The following PCMTD1 variants were observed in gnomAD, a reference collection of about 807,000 sequenced individuals.
PCMTD1 encodes the protein protein-L-isoaspartate O-methyltransferase domain-containing protein 1.
Under a neutral mutation model 37.6 loss-of-function variants are expected in PCMTD1, and 12 were observed. The ratio of observed to expected loss-of-function variants is 0.32; its 90% confidence interval spans 0.20 to 0.52. PCMTD1 has a LOEUF of 0.52. Among genes scored for constraint, PCMTD1 ranks in the 20% least tolerant of loss-of-function variants. The pLI is 0.97. For synonymous variants in PCMTD1, 117 were observed against 135.8 expected, an observed-to-expected ratio of 0.86 and a Z score of 0.96; for missense variants, 235 against 421.3, an observed-to-expected ratio of 0.56 and a Z score of 3.87.
intron 5 of PCMTD1, among the ~76,000 whole-genome samples, chr8:51,826,546 A>G (rs745584386): frequency 6.6e-6 from 1 of 152,196 alleles, no homozygotes; most frequent in Non-Finnish European, 1.5e-5. Context: ...CTTTTACTCC[A>G]AAACTACAGT....
intron 1 of PCMTD1, among the ~76,000 whole-genome samples, chr8:51,891,686 A>C (rs1324379516): frequency 1.0e-5 from 1 of 98,696 alleles, no homozygotes. Context: ...ATATATATAT[A>C]CATATATATG....
At chr8:51,849,727 T>A (rs1159997123) in intron 2 of PCMTD1, 1 of 224,814 alleles carries the variant, frequency 4.4e-6, no homozygotes, top group Non-Finnish European at 8.8e-6. Context: ...CTAATCTAGT[T>A]CATTTATCAT....
chr8:51,832,107 T>G (rs2038006354), intron 4 of PCMTD1, among the ~76,000 whole-genome samples: 1 of 152,178 alleles, frequency 6.6e-6, no homozygotes. Flanking sequence ...AAATATTAGC[T>G]CAATACACAT....
intron 1 of PCMTD1, among the ~76,000 whole-genome samples, chr8:51,861,973 C>A (rs914975549): frequency 4.6e-5 from 7 of 152,170 alleles, no homozygotes; most frequent in Non-Finnish European, 7.3e-5. Context: ...CCGGGCCGCA[C>A]AAAGTGCTGG....
chr8:51,880,092 C>CA (rs2038770982), intron 1 of PCMTD1, among the ~76,000 whole-genome samples: 1 of 151,568 alleles, frequency 6.6e-6, no homozygotes, highest in Non-Finnish European at 1.5e-5. Context: ...CCCAGCTACT[C>CA]AGGAGGTTGA....
chr8:51,843,554 A>T (rs369538634), intron 3 of PCMTD1, among the ~76,000 whole-genome samples: 37 of 152,094 alleles, frequency 2.4e-4, no homozygotes, highest in African/African-American at 8.9e-4. Flanking sequence ...TGAAAATAAA[A>T]CTAAAGAAAC....
In PCMTD1 at chr8:51,899,007, A is replaced by C; in HGVS notation, c.-173T>G. The C allele has an allele frequency of 6.6e-7, 1 of 1,513,234 alleles. No individual in the cohort carries two copies. Among genetic ancestry groups the C allele is most frequent in the Non-Finnish European group, 8.8e-7 (1 of 1,137,846 alleles). 93.7% of individuals were successfully genotyped at this position (1,513,234 alleles called of 1,614,324 possible). A position where few individuals can be genotyped will look rare whatever the true frequency, so the allele number is the denominator to read the frequency against. On this transcript the variant is annotated 5_prime_UTR_variant, in exon 1 of 6. Coordinates refer to ENST00000522514, the MANE Select transcript of PCMTD1 (RefSeq NM_052937.4). ...GCAGCAGCCAGACGCCGCTACCACC[A>C]CAATAACAACACGGACGCCACCGCC...
chr8:51,894,073 A>G (rs2038969606), intron 1 of PCMTD1, among the ~76,000 whole-genome samples: 1 of 152,206 alleles, frequency 6.6e-6, no homozygotes, highest in Non-Finnish European at 1.5e-5. Context: ...AGATTTTACT[A>G]CTGTACTACA....
At chr8:51,855,106 G>A (rs1338684087) in intron 2 of PCMTD1, among the ~76,000 whole-genome samples, 1 of 150,640 alleles carries the variant, frequency 6.6e-6, no homozygotes, top group Non-Finnish European at 1.5e-5. Flanking sequence ...CGTGGAAGGC[G>A]GAGGTTGCAG....
chr8:51,879,994 G>T (rs2038769487), intron 1 of PCMTD1, among the ~76,000 whole-genome samples: 1 of 151,062 alleles, frequency 6.6e-6, no homozygotes, highest in Admixed American at 6.6e-5. Context: ...ATCAACCTAG[G>T]CAACATAGCG....
rs921063084 is a variant in PCMTD1 at position 51,897,531 on chromosome 8, A to C, written c.-96+1399T>G. ...CTTAGAAAAAAATGAAATAAAAAAAACCAAAAAGTAAACTAATTCAGCAAC... is the reference window on the plus strand; with the variant it reads ...CTTAGAAAAAAATGAAATAAAAAAACCCAAAAAGTAAACTAATTCAGCAAC... On this transcript the variant is annotated intron_variant, in intron 1 of 5. Transcript: ENST00000522514. Among the ~76,000 whole-genome samples, 6 of 152,342 alleles carry C rather than the reference A, an allele frequency of 3.9e-5. No individual in the cohort carries two copies. In the East Asian group the frequency reaches 5.8e-4, roughly 15 times the overall value.
intron 1 of PCMTD1, among the ~76,000 whole-genome samples, chr8:51,872,426 C>T (rs1419976072): frequency 6.6e-6 from 1 of 152,128 alleles, no homozygotes; most frequent in African/African-American, 2.4e-5. Flanking sequence ...ACTAACCATC[C>T]TTAACACTTT....
intron 1 of PCMTD1, among the ~76,000 whole-genome samples, chr8:51,877,852 T>C (rs914483491): frequency 4.6e-4 from 70 of 152,342 alleles, no homozygotes; most frequent in African/African-American, 1.6e-3. Flanking sequence ...AAGTTCCTGA[T>C]TTTAATAACT....
intron 1 of PCMTD1, among the ~76,000 whole-genome samples, chr8:51,876,960 C>A (rs1451015395): frequency 6.6e-6 from 1 of 152,192 alleles, no homozygotes; most frequent in Non-Finnish European, 1.5e-5. Flanking sequence ...CTCAAAGTAT[C>A]TCTCCACAAA....
intron 1 of PCMTD1, among the ~76,000 whole-genome samples, chr8:51,892,348 T>G (rs1357046677): frequency 6.6e-6 from 1 of 152,088 alleles, no homozygotes; most frequent in African/African-American, 2.4e-5. Flanking sequence ...TTGCCCAGAG[T>G]GGACCATTGG....
chr8:51,848,491 A>G (rs2038256523), intron 2 of PCMTD1, among the ~76,000 whole-genome samples: 1 of 152,204 alleles, frequency 6.6e-6, no homozygotes, highest in African/African-American at 2.4e-5. Context: ...TCCATAGTTC[A>G]AACTGCATTA....
In PCMTD1 at chr8:51,842,797, G is replaced by A. The variant is rs181147008; in HGVS notation, c.410+2864C>T. ...TGACATGGTAATACTTTTGAAAAGG[G>A]GACTGATTAAAAAAGATCCAAACCG... On this transcript the variant is annotated intron_variant, in intron 3 of 5. Transcript: ENST00000522514. 9.8e-4 allele frequency among the ~76,000 whole-genome samples: 148 copies of A among 151,694 alleles called. 1 individual carries two copies. Among genetic ancestry groups the A allele is most frequent in the Non-Finnish European group, 2.0e-3 (133 of 67,920 alleles).
At position 51,820,290 on chromosome 8, in the gene PCMTD1, C is replaced by T. The variant is rs376079179; in HGVS notation, c.*61G>A. 2 of 1,417,984 alleles carry T rather than the reference C, an allele frequency of 1.4e-6. No homozygotes were observed. Among genetic ancestry groups the T allele is most frequent in the Non-Finnish European group, 1.9e-6 (2 of 1,072,250 alleles). 87.8% of individuals were successfully genotyped at this position (1,417,984 alleles called of 1,614,324 possible). A position where few individuals can be genotyped will look rare whatever the true frequency, so the allele number is the denominator to read the frequency against. ...AATAATTCTCTCTTTTAACTCCTAA[C>T]AAATGCTACATTTTCAAGACTAAAG... On this transcript the variant is annotated 3_prime_UTR_variant, in exon 6 of 6. Coordinates refer to ENST00000522514, the MANE Select transcript of PCMTD1 (RefSeq NM_052937.4).
At chr8:51,875,778 A>C (rs1307684135) in intron 1 of PCMTD1, among the ~76,000 whole-genome samples, 1 of 152,168 alleles carries the variant, frequency 6.6e-6, no homozygotes, top group Non-Finnish European at 1.5e-5. Flanking sequence ...AAAAAAATTT[A>C]AGAATCAGCC....
Sources: gnomAD v4.1 joint callset for allele counts (sites outside exome capture counted in the v4.1 genomes callset) on GRCh38, gnomAD v4.1.1 for gene constraint, MANE v1.5 for transcripts, NCBI Gene and HGNC (gene_info 2026-07-23, HGNC 2026-07-21) for gene names.